RANBP2: variants seen among roughly 807,000 people sequenced by gnomAD.
The protein encoded by RANBP2 is RAN binding protein 2.
Under a neutral mutation model 303.6 loss-of-function variants are expected in RANBP2, and 57 were observed. The observed-to-expected ratio is 0.19, with a 90% CI of 0.15 to 0.23. The LOEUF (loss-of-function observed/expected upper bound fraction) is 0.23, where lower values mean the gene tolerates loss of function less well. RANBP2 is among the 10% of genes least tolerant of loss of function. The probability of loss-of-function intolerance (pLI) is 1.00; values close to 1 mark genes in which losing one functional copy is unlikely to be tolerated. For missense variants in RANBP2, 3,138 were observed against 3,780.8 expected (o/e 0.83, Z 4.46); for synonymous variants, 1,167 against 1,301.5 (o/e 0.90, Z 2.23).
chr2:109,221,196 T>C, the RANBP2 span, among the ~76,000 whole-genome samples: 1 of 152,236 alleles, frequency 6.6e-6, no homozygotes, highest in Non-Finnish European at 1.5e-5. Flanking sequence ...AAAAAGTCAG[T>C]CTTCCACATC....
At chr2:109,180,117 A>T in the RANBP2 span, among the ~76,000 whole-genome samples, 2 of 150,486 alleles carry the variant, frequency 1.3e-5, no homozygotes, top group African/African-American at 2.5e-5. Context: ...CCACAGGAGA[A>T]GTTTTTTTTT....
the RANBP2 span, among the ~76,000 whole-genome samples, chr2:108,922,881 G>A: frequency 6.6e-6 from 1 of 152,158 alleles, no homozygotes; most frequent in Non-Finnish European, 1.5e-5. Flanking sequence ...AACACCCCAA[G>A]GCAGGATTAT....
the RANBP2 span, among the ~76,000 whole-genome samples, chr2:109,606,150 C>T: frequency 1.3e-5 from 2 of 152,198 alleles, no homozygotes; most frequent in South Asian, 4.1e-4. Context: ...GGTGCCGTGG[C>T]TCATGCCTGT....
the RANBP2 span, among the ~76,000 whole-genome samples, chr2:109,039,780 C>T: frequency 1.3e-5 from 2 of 151,680 alleles, no homozygotes; most frequent in African/African-American, 2.4e-5. Flanking sequence ...TATTTTTAAC[C>T]TCAAGCCACA....
At chr2:109,381,764 G>C in the RANBP2 span, among the ~76,000 whole-genome samples, 1 of 152,108 alleles carries the variant, frequency 6.6e-6, no homozygotes, top group African/African-American at 2.4e-5. Context: ...AGGTGCTCTC[G>C]CTTCGCAGAA....
the RANBP2 span, among the ~76,000 whole-genome samples, chr2:108,905,191 T>TGGGCATGGAGCACAGGTTCTC: frequency 6.6e-6 from 1 of 152,140 alleles, no homozygotes; most frequent in Non-Finnish European, 1.5e-5. Flanking sequence ...TCATCAGAGC[T>TGGGCATGGAGCACAGGTTCTC]GGGCATGGAG....
chr2:109,673,517 T>G, the RANBP2 span, among the ~76,000 whole-genome samples: 1 of 152,208 alleles, frequency 6.6e-6, no homozygotes, highest in Non-Finnish European at 1.5e-5. Flanking sequence ...TTACCTGACC[T>G]TTTTGATTTG....
chr2:109,222,254 A>G, the RANBP2 span, among the ~76,000 whole-genome samples: 1 of 152,208 alleles, frequency 6.6e-6, no homozygotes, highest in African/African-American at 2.4e-5. Flanking sequence ...ATACAGTCAG[A>G]AGGAATGAAT....
the RANBP2 span, among the ~76,000 whole-genome samples, chr2:109,700,252 G>C: frequency 0.051 from 7,747 of 152,272 alleles, 258 homozygotes; most frequent in Admixed American, 0.077. Flanking sequence ...GAAAATCTGA[G>C]ACAGGTCTCA....
chr2:109,171,995 C>T, the RANBP2 span, among the ~76,000 whole-genome samples: 4 of 152,218 alleles, frequency 2.6e-5, no homozygotes, highest in African/African-American at 4.8e-5. Flanking sequence ...CTGAGTCGCC[C>T]GTTTCCCAAT....
At chr2:109,531,445 A>G in the RANBP2 span, among the ~76,000 whole-genome samples, 3 of 152,178 alleles carry the variant, frequency 2.0e-5, no homozygotes, top group Non-Finnish European at 4.4e-5. Context: ...GCTGACCCAC[A>G]AGACTTCTGA....
chr2:109,200,140 C>G, the RANBP2 span, among the ~76,000 whole-genome samples: 1,200 of 152,234 alleles, frequency 7.9e-3, 10 homozygotes, highest in East Asian at 0.036. Context: ...TCCACATGCT[C>G]CTAAGGTGAC....
At chr2:109,662,146 C>T in the RANBP2 span, among the ~76,000 whole-genome samples, 4 of 152,160 alleles carry the variant, frequency 2.6e-5, no homozygotes, top group Non-Finnish European at 4.4e-5. Context: ...GACTCCCCAT[C>T]GCCTGGCAGA....
chr2:109,053,228 A>G, the RANBP2 span, among the ~76,000 whole-genome samples: 1 of 152,242 alleles, frequency 6.6e-6, no homozygotes, highest in African/African-American at 2.4e-5. Flanking sequence ...TGTTGTGTTC[A>G]GACTCCCCTG....
chr2:109,178,472 T>C, the RANBP2 span, among the ~76,000 whole-genome samples: 1 of 152,232 alleles, frequency 6.6e-6, no homozygotes, highest in Non-Finnish European at 1.5e-5. Flanking sequence ...TCCAGAGATA[T>C]TATACTTGGA....
Position 108,781,298 on chromosome 2 carries a change from G to A in RANBP2, c.8629G>A (p.Ala2877Thr), listed in dbSNP as rs1678240902. ...DKNFQWANTG[A>T]AVFGTQSVGT... ...AAATTTCCAATGGGCAAATACTGGA[G>A]CAGCTGTGTTTGGAACACAGTCAGT... The change falls in exon 26 of 29, where the codon GCA (alanine) becomes ACA (threonine). Residue 2877 changes from alanine (A) to threonine (T), a missense_variant. Around this residue, in one of 20 missense-constraint regions of RANBP2, gnomAD observed 497 missense variants for 465.8 expected, o/e 1.07. Transcript: ENST00000283195. The A allele has an allele frequency of 6.2e-7, 1 of 1,614,014 alleles. No homozygotes were observed. The highest frequency in any genetic ancestry group is 8.5e-7 in the Non-Finnish European group (1 of 1,180,028).
rs1164591198 is a variant in RANBP2 at position 108,765,804 on chromosome 2, A to G, written c.5265A>G (p.Gln1755=). The part of the protein sequence containing the change: ...IACQCPSKQN[Q]TTAISTPASS... ...GTCAGTGTCCAAGTAAACAAAATCA[A>G]ACAACTGCAATTTCAACACCTGCCT... is the stretch of plus-strand genomic sequence containing the variant. Residue 1755 remains glutamine, a synonymous_variant, in exon 20 of 29, where the codon CAA becomes CAG. Transcript: ENST00000283195. 6.2e-6 allele frequency: 10 copies of G among 1,613,700 alleles called. No homozygotes were observed. The highest frequency in any genetic ancestry group is 1.1e-5 in the South Asian group (1 of 91,072).
the RANBP2 span, among the ~76,000 whole-genome samples, chr2:109,258,051 C>T: frequency 2.6e-5 from 4 of 152,302 alleles, no homozygotes; most frequent in Admixed American, 2.6e-4. Flanking sequence ...TTTGCTGACC[C>T]TCACAGCCCT....
chr2:108,881,569 G>A, the RANBP2 span, among the ~76,000 whole-genome samples: 9 of 152,148 alleles, frequency 5.9e-5, no homozygotes, highest in Admixed American at 5.9e-4. Context: ...AGCTTTTCTT[G>A]GCTTTGGACA....
Sources: allele counts gnomAD v4.1 joint callset (sites outside exome capture counted in the v4.1 genomes callset), GRCh38; gene constraint gnomAD v4.1.1; regional missense constraint gnomAD v4.1.1; transcripts MANE v1.5; gene names NCBI Gene and HGNC (gene_info 2026-07-23, HGNC 2026-07-21).